Variants in APBB2 observed in about 807,000 individuals in gnomAD.
The protein encoded by APBB2 is amyloid beta precursor protein binding family B member 2, also known as Fe65-like 1.
In APBB2, 38 loss-of-function variants were observed where a neutral mutation model predicts 82.5. The ratio of observed to expected loss-of-function variants is 0.46; its 90% CI spans 0.36 to 0.60. The LOEUF (loss-of-function observed/expected upper bound fraction) is 0.60, where lower values mean the gene tolerates loss of function less well. APBB2 is among the 20% of genes least tolerant of loss of function. The pLI is 0.00. For synonymous variants in APBB2, 341 were observed against 368.2 expected, an observed-to-expected ratio of 0.93 and a Z score of 0.85; for missense variants, 772 against 972.3, an observed-to-expected ratio of 0.79 and a Z score of 2.74.
chr4:40,916,901 G>A (rs191665438), intron 10 of APBB2, among the ~76,000 whole-genome samples: 1 of 152,286 alleles, frequency 6.6e-6, no homozygotes, highest in Non-Finnish European at 1.5e-5. Flanking sequence ...AGTCTGTGGT[G>A]GGGAAGGTCA....
At chr4:40,847,938 CG>C (rs1383778561) in intron 12 of APBB2, among the ~76,000 whole-genome samples, 1 of 151,912 alleles carries the variant, frequency 6.6e-6, no homozygotes, top group African/African-American at 2.4e-5. Flanking sequence ...TCCCAAGTAG[CG>C]GGGGCTATAG....
chr4:41,191,017 C>T (rs769930228), intron 1 of APBB2, among the ~76,000 whole-genome samples: 1 of 152,270 alleles, frequency 6.6e-6, no homozygotes, highest in East Asian at 1.9e-4. Context: ...CCAACCTGAT[C>T]GATTCAATTC....
intron 3 of APBB2, among the ~76,000 whole-genome samples, chr4:41,095,417 T>G (rs1430874324): frequency 6.6e-6 from 1 of 152,194 alleles, no homozygotes; most frequent in African/African-American, 2.4e-5. Context: ...TGTCAGAACC[T>G]ATTATTAACT....
intron 13 of APBB2, 50 bp from the exon 14 acceptor site, chr4:40,827,269 C>G: frequency 6.6e-7 from 1 of 1,517,512 alleles, no homozygotes; most frequent in East Asian, 2.3e-5. Context: ...GCCCCCATGT[C>G]TTCAGCTATT....
intron 1 of APBB2, among the ~76,000 whole-genome samples, chr4:41,209,863 A>T (rs1336719361): frequency 1.3e-5 from 2 of 152,248 alleles, no homozygotes; most frequent in Non-Finnish European, 2.9e-5. Flanking sequence ...GTGACAAACC[A>T]GACAGGGAAA....
intron 7 of APBB2, among the ~76,000 whole-genome samples, chr4:40,940,391 A>G (rs1264514124): frequency 1.3e-4 from 20 of 152,182 alleles, no homozygotes; most frequent in African/African-American, 4.8e-4. Flanking sequence ...TGTGATCCCC[A>G]GAGGTTCTCC....
intron 4 of APBB2, among the ~76,000 whole-genome samples, chr4:41,049,249 G>A (rs996179674): frequency 1.9e-4 from 28 of 151,154 alleles, no homozygotes; most frequent in Non-Finnish European, 3.0e-4. Context: ...CCCCGTCTGG[G>A]AGGTGAGGAG....
chr4:41,164,471 GCTC>G (rs1765976663), intron 1 of APBB2, among the ~76,000 whole-genome samples: 1 of 152,148 alleles, frequency 6.6e-6, no homozygotes, highest in South Asian at 2.1e-4. Flanking sequence ...GCAAAAGGCG[GCTC>G]CTTTGATTCA....
chr4:41,067,951 T>G (rs891328303), intron 3 of APBB2, among the ~76,000 whole-genome samples: 26 of 152,056 alleles, frequency 1.7e-4, no homozygotes, highest in African/African-American at 5.6e-4. Flanking sequence ...GCTGAAAGTC[T>G]AAGGGGGAAG....
intron 2 of APBB2, among the ~76,000 whole-genome samples, chr4:41,140,176 TGTC>T (rs989881232): frequency 2.0e-5 from 3 of 152,214 alleles, no homozygotes; most frequent in African/African-American, 7.2e-5. Context: ...GCTGTTACCT[TGTC>T]GTGTTAAAAC....
intron 6 of APBB2, among the ~76,000 whole-genome samples, chr4:40,985,160 T>C (rs534661826): frequency 1.2e-4 from 18 of 152,078 alleles, no homozygotes; most frequent in Non-Finnish European, 1.8e-4. Flanking sequence ...CATGATCCTC[T>C]TGCCTCAGCC....
At chr4:41,133,386 GAAGTATC>G (rs1180264303) in intron 2 of APBB2, among the ~76,000 whole-genome samples, 1 of 152,078 alleles carries the variant, frequency 6.6e-6, no homozygotes, top group Non-Finnish European at 1.5e-5. Context: ...GCACGTGCTG[GAAGTATC>G]ACAACTGACC....
At chr4:41,061,816 A>T (rs1055754360) in intron 4 of APBB2, among the ~76,000 whole-genome samples, 3 of 152,276 alleles carry the variant, frequency 2.0e-5, no homozygotes, top group Non-Finnish European at 4.4e-5. Flanking sequence ...GAATAATCTC[A>T]AAACAGAAAG....
chr4:41,047,062 A>G (rs1312066910), intron 4 of APBB2, among the ~76,000 whole-genome samples: 1 of 152,218 alleles, frequency 6.6e-6, no homozygotes, highest in Non-Finnish European at 1.5e-5. Context: ...CAGAATTGCA[A>G]AATTGTTGGT....
At chr4:40,946,240 A>AC (rs1788382614) in intron 6 of APBB2, among the ~76,000 whole-genome samples, 1 of 149,818 alleles carries the variant, frequency 6.7e-6, no homozygotes, top group Non-Finnish European at 1.5e-5. Flanking sequence ...TCCAAAAAAA[A>AC]AAAAAAAAAA....
At chr4:41,066,655 C>A (rs926921877) in intron 3 of APBB2, among the ~76,000 whole-genome samples, 2 of 152,062 alleles carry the variant, frequency 1.3e-5, no homozygotes, top group African/African-American at 2.4e-5. Context: ...GCTAGGGATG[C>A]GAGACAAGGC....
chr4:41,041,705 C>T (rs1303042633), intron 4 of APBB2, among the ~76,000 whole-genome samples: 1 of 152,196 alleles, frequency 6.6e-6, no homozygotes, highest in Non-Finnish European at 1.5e-5. Flanking sequence ...GATTTATGAT[C>T]CTAGCTCTTT....
In APBB2 at chr4:40,970,412, C is replaced by T. The variant is rs370352147; in HGVS notation, c.836-25339G>A. 5.1e-4 allele frequency among the ~76,000 whole-genome samples: 77 copies of T among 152,206 alleles called. 1 individual carries two copies. In the South Asian group the frequency reaches 0.015, roughly 29 times the overall value. On this transcript the variant is annotated intron_variant, in intron 6 of 17. Coordinates refer to ENST00000508593, the MANE Select transcript of APBB2 (RefSeq NM_004307.2). ...TTCTCATTCTCCTCAGAATCAATTTCCTCATTTTTTCCAAGCATTGATTTT... is the reference window on the plus strand; with the variant it reads ...TTCTCATTCTCCTCAGAATCAATTTTCTCATTTTTTCCAAGCATTGATTTT...
chr4:41,161,427 C>T (rs577194424), intron 1 of APBB2, among the ~76,000 whole-genome samples: 1 of 152,040 alleles, frequency 6.6e-6, no homozygotes, highest in South Asian at 2.1e-4. Flanking sequence ...GGCAAGATGG[C>T]GAAACTCTTC....
Sources: gnomAD v4.1 joint callset for allele counts (sites outside exome capture counted in the v4.1 genomes callset) on GRCh38, gnomAD v4.1.1 for gene constraint, MANE v1.5 for transcripts, NCBI Gene and HGNC (gene_info 2026-07-23, HGNC 2026-07-21) for gene names.